TMCO4: variants seen among roughly 807,000 people sequenced by gnomAD.
TMCO4 encodes the protein transmembrane and coiled-coil domain-containing protein 4.
Under a neutral mutation model 64.7 loss-of-function variants are expected in TMCO4, and 58 were observed. The observed-to-expected ratio is 0.90, with a 90% CI of 0.73 to 1.12. The LOEUF (loss-of-function observed/expected upper bound fraction) is 1.12. Among genes scored for constraint, TMCO4 ranks in the 50% most tolerant of loss-of-function variants. The probability of loss-of-function intolerance (pLI) is 0.00; values close to 1 mark genes in which losing one functional copy is unlikely to be tolerated. For synonymous variants in TMCO4, 325 were observed against 346.1 expected (o/e 0.94, Z 0.68); for missense variants, 780 against 825.9 (o/e 0.94, Z 0.68).
intron 9 of TMCO4, among the ~76,000 whole-genome samples, chr1:19,746,218 C>T (rs2235657): frequency 0.4 from 60,215 of 151,994 alleles, 12,290 homozygotes; most frequent in East Asian, 0.69. Flanking sequence ...GCAGGTTCCA[C>T]TGGGGCCTTT....
intron 3 of TMCO4, among the ~76,000 whole-genome samples, chr1:19,786,609 A>G (rs932342537): frequency 9.9e-5 from 15 of 152,250 alleles, no homozygotes; most frequent in African/African-American, 3.6e-4. Context: ...TGCCCCAGGC[A>G]GGGCCAAGTT....
chr1:19,794,839 C>T (rs1035791511), intron 2 of TMCO4, among the ~76,000 whole-genome samples: 2 of 152,130 alleles, frequency 1.3e-5, no homozygotes, highest in African/African-American at 2.4e-5. Flanking sequence ...AATTCTGACA[C>T]GTTACAACAC....
chr1:19,686,600 G>A (rs2095151335), intron 15 of TMCO4, among the ~76,000 whole-genome samples: 1 of 152,186 alleles, frequency 6.6e-6, no homozygotes, highest in Admixed American at 6.5e-5. Context: ...ATACACACAC[G>A]TGTATTCACA....
chr1:19,713,267 T>G lies in TMCO4; in HGVS notation c.1265-12382A>C, dbSNP rs1012125174. ...AATTATGGCCGTTTTTTGCCATCAG[T>G]CTACCACAGATGTACACAATATGTC... On this transcript the variant is annotated intron_variant, in intron 13 of 15. Coordinates refer to ENST00000294543, the MANE Select transcript of TMCO4 (RefSeq NM_181719.7). 2.6e-5 allele frequency among the ~76,000 whole-genome samples: 4 copies of G among 152,252 alleles called. No homozygotes were observed. In the East Asian group the frequency reaches 7.7e-4, roughly 29 times the overall value.
chr1:19,736,724 G>A (rs1374644099), intron 13 of TMCO4, among the ~76,000 whole-genome samples: 1 of 152,218 alleles, frequency 6.6e-6, no homozygotes, highest in East Asian at 1.9e-4. Flanking sequence ...TGCACAGAAA[G>A]GATGACACTG....
intron 10 of TMCO4, among the ~76,000 whole-genome samples, chr1:19,742,002 T>C (rs1052056101): frequency 2.0e-5 from 3 of 151,972 alleles, no homozygotes; most frequent in Non-Finnish European, 4.4e-5. Context: ...GCCTCCCAAG[T>C]GCTGGAATTA....
At chr1:19,786,205 C>T (rs1007050532) in intron 3 of TMCO4, among the ~76,000 whole-genome samples, 26 of 152,160 alleles carry the variant, frequency 1.7e-4, no homozygotes, top group Non-Finnish European at 2.9e-4. Flanking sequence ...TGCAGCGAGC[C>T]GTGATCGCAC....
At chr1:19,781,691 G>A (rs1557616905) in intron 3 of TMCO4, among the ~76,000 whole-genome samples, 1 of 148,156 alleles carries the variant, frequency 6.7e-6, no homozygotes, top group Non-Finnish European at 1.5e-5. Flanking sequence ...CTGTCGCCCA[G>A]GCTGGAGTGC....
At chr1:19,764,842 CAAAAAAAAAAAA>C (rs33963523) in intron 6 of TMCO4, among the ~76,000 whole-genome samples, 39 of 70,424 alleles carry the variant, frequency 5.5e-4, no homozygotes, top group Non-Finnish European at 6.7e-4. Flanking sequence ...AACTCTGTCT[CAAAAAAAAAAAA>C]AAAAAAAAAA....
intron 6 of TMCO4, among the ~76,000 whole-genome samples, chr1:19,760,805 A>G (rs1358096954): frequency 6.6e-6 from 1 of 152,282 alleles, no homozygotes; most frequent in East Asian, 1.9e-4. Flanking sequence ...GCCCATGCCA[A>G]AAACAAAGCA....
intron 3 of TMCO4, among the ~76,000 whole-genome samples, chr1:19,783,064 A>G (rs2043566529): frequency 6.6e-6 from 1 of 152,240 alleles, no homozygotes. Context: ...AAAATGATCA[A>G]CAAACAAATA....
intron 13 of TMCO4, among the ~76,000 whole-genome samples, chr1:19,705,343 C>T (rs1470518700): frequency 2.0e-5 from 3 of 151,724 alleles, no homozygotes; most frequent in South Asian, 2.1e-4. Flanking sequence ...CCCAGCTACT[C>T]GGAAGGCTGA....
chr1:19,776,601 C>T (rs529921958), intron 4 of TMCO4, among the ~76,000 whole-genome samples: 11 of 152,336 alleles, frequency 7.2e-5, no homozygotes, highest in African/African-American at 2.6e-4. Flanking sequence ...TCAGGTTCTG[C>T]AAGGGCCATC....
At chr1:19,706,337 A>G (rs1015760690) in intron 13 of TMCO4, among the ~76,000 whole-genome samples, 3 of 152,226 alleles carry the variant, frequency 2.0e-5, no homozygotes, top group Non-Finnish European at 4.4e-5. Flanking sequence ...AAACATTTCA[A>G]TAATAATGGA....
intron 13 of TMCO4, among the ~76,000 whole-genome samples, chr1:19,736,124 T>G (rs994335959): frequency 2.0e-5 from 3 of 152,226 alleles, no homozygotes; most frequent in African/African-American, 7.2e-5. Flanking sequence ...TTGCTGCTTT[T>G]GGCCACCGTG....
At chr1:19,760,732 TCTC>T (rs1433116892) in intron 6 of TMCO4, among the ~76,000 whole-genome samples, 5 of 152,262 alleles carry the variant, frequency 3.3e-5, no homozygotes, top group Non-Finnish European at 7.3e-5. Flanking sequence ...GTTTATTTTG[TCTC>T]CTCTTCTTCT....
chr1:19,745,826 A>G (rs2100877165), intron 9 of TMCO4, among the ~76,000 whole-genome samples, 175 bp from the exon 10 acceptor site: 1 of 152,312 alleles, frequency 6.6e-6, no homozygotes, highest in South Asian at 2.1e-4. Flanking sequence ...GTCCCTGATT[A>G]CAGACGAAAG....
chr1:19,781,287 T>C (rs904977039), intron 3 of TMCO4, among the ~76,000 whole-genome samples: 14 of 151,234 alleles, frequency 9.3e-5, no homozygotes, highest in African/African-American at 3.4e-4. Flanking sequence ...ATAGTGAGAC[T>C]CCATCTCTAC....
Position 19,745,634 on chromosome 1 carries a change from G to A in TMCO4, c.775C>T (p.Arg259Ter), listed in dbSNP as rs140939906. ...GTGAACTCTTCAATGGCTCCCACTC[G>A]CTTCTTCATCTTGTATCCTAAAGAC... ...AGLTGYKMKK[R>*]VGAIEEFTFL... The change falls in exon 10 of 16, where the codon CGA becomes TGA. Residue 259 changes from arginine to a stop codon, truncating the protein, a stop_gained. Coordinates refer to ENST00000294543, the MANE Select transcript of TMCO4 (RefSeq NM_181719.7). LOFTEE classifies it high-confidence loss of function. The A allele has an allele frequency of 2.7e-4, 439 of 1,611,648 alleles. No homozygotes were observed. Among genetic ancestry groups the A allele is most frequent in the East Asian group, 3.3e-4 (15 of 44,804 alleles).
Sources: gnomAD v4.1 joint callset for allele counts (sites outside exome capture counted in the v4.1 genomes callset) on GRCh38, gnomAD v4.1.1 for gene constraint, MANE v1.5 for transcripts, NCBI Gene and HGNC (gene_info 2026-07-23, HGNC 2026-07-21) for gene names.